Variants in RPL8 observed in about 807,000 individuals in gnomAD.
The protein encoded by RPL8 is ribosomal protein L8.
For missense variants in RPL8, 248 were observed against 365.9 expected, an observed-to-expected ratio of 0.68 and a Z score of 2.63; for synonymous variants, 182 against 143.2, an observed-to-expected ratio of 1.27 and a Z score of -1.94.
chr8:144,790,577 CA>C lies in RPL8; in HGVS notation c.500-108del, dbSNP rs1388443825. The C allele has an allele frequency of 9.2e-6, 8 of 868,848 alleles. No individual in the cohort carries two copies. The Admixed American group carries it at 9.7e-5, about 11-fold the overall frequency. The allele number at this position is 868,848 out of a possible 1,614,324, so 53.8% of individuals were successfully genotyped here. ...CCCAATACTGCATCCAACTACCCAG[CA>C]AAAAGCCCACTCGCCTCCACCCTAG... On this transcript the variant is annotated intron_variant, in intron 3 of 4. Transcript: ENST00000528957.
Position 144,792,361 on chromosome 8 carries a change from C to T in RPL8, c.-232G>A. 1.5e-6 allele frequency: 1 copy of T among 678,090 alleles called. No individual in the cohort carries two copies. The highest frequency in any genetic ancestry group is 2.1e-6 in the Non-Finnish European group (1 of 472,462). The allele number at this position is 678,090 out of a possible 1,614,324, so 42.0% of individuals were successfully genotyped here. A position where few individuals can be genotyped will look rare whatever the true frequency, so the allele number is the denominator to read the frequency against. ...CCATGCCGCAAGGCCGCAAGGATGA[C>T]CTACCTGTTCACCAGCGCGGCCGAA... On this transcript the variant is annotated 5_prime_UTR_variant, in exon 1 of 5. Coordinates refer to ENST00000528957, the MANE Select transcript of RPL8 (RefSeq NM_001317782.2).
chr8:144,792,228 C>G lies in RPL8; in HGVS notation c.-99G>C. On this transcript the variant is annotated 5_prime_UTR_variant, in exon 1 of 5. Coordinates refer to ENST00000528957, the MANE Select transcript of RPL8 (RefSeq NM_001317782.2). ...CGGGACCCCGCCCCCGAGGCCGCCG[C>G]GCCCACCACTCCCTACCCTCTCCGC... 1.4e-6 allele frequency: 2 copies of G among 1,384,954 alleles called. No homozygotes were observed. The highest frequency in any genetic ancestry group is 1.9e-6 in the Non-Finnish European group (2 of 1,074,336). The allele number at this position is 1,384,954 out of a possible 1,614,324, so 85.8% of individuals were successfully genotyped here.
rs1337820621 is a variant in RPL8 at position 144,791,270 on chromosome 8, T to C, written c.499+7A>G. 1 of 1,610,950 alleles carries C rather than the reference T, an allele frequency of 6.2e-7. No individual in the cohort carries two copies. Among genetic ancestry groups the C allele is most frequent in the African/African-American group, 1.3e-5 (1 of 74,848 alleles). On this transcript the variant is annotated splice_region_variant and intron_variant, in intron 3 of 4. Coordinates refer to ENST00000528957, the MANE Select transcript of RPL8 (RefSeq NM_001317782.2). ...CCCTCAGCATTCAACTGCTGCCTGATACTCACCAACCACAGCTCTGTTGGC... is the reference window on the plus strand; with the variant it reads ...CCCTCAGCATTCAACTGCTGCCTGACACTCACCAACCACAGCTCTGTTGGC...
chr8:144,791,229 G>GCACAT (rs1368007178), intron 3 of RPL8, 48 bp downstream of exon 3: 1 of 1,569,670 alleles, frequency 6.4e-7, no homozygotes, highest in Non-Finnish European at 8.7e-7. Flanking sequence ...GGCACTCACA[G>GCACAT]CATGTTCACC....
rs1299865886 is a variant in RPL8 at position 144,791,802 on chromosome 8, G to A, written c.251C>T (p.Thr84Met). 9.9e-6 allele frequency: 16 copies of A among 1,613,762 alleles called. No homozygotes were observed. Among genetic ancestry groups the A allele is most frequent in the Non-Finnish European group, 1.4e-5 (16 of 1,180,020 alleles). Reference protein sequence around the residue: ...ELFIAAEGIHTGQFVYCGKKA... With the variant: ...ELFIAAEGIHMGQFVYCGKKA... Reference sequence around the variant, plus strand: ...CTTGCCGCAATACACAAACTGGCCCGTGTGAATGCCCTCGGCGGCAATGAA... The same window carrying A: ...CTTGCCGCAATACACAAACTGGCCCATGTGAATGCCCTCGGCGGCAATGAA... The change falls in exon 2 of 5, where the codon ACG becomes ATG. Residue 84 changes from threonine (T) to methionine (M), a missense_variant. Transcript: ENST00000528957.
At chr8:144,790,738 G>A (rs2130374420) in intron 3 of RPL8, 1 of 658,850 alleles carries the variant, frequency 1.5e-6, no homozygotes, top group Non-Finnish European at 2.8e-6. Context: ...CTCACCATGT[G>A]TGAGACGTCA....
At chr8:144,790,239 T>C (rs1392128429) in intron 4 of RPL8, 116 bp downstream of exon 4, 10 of 887,178 alleles carry the variant, frequency 1.1e-5, no homozygotes, top group East Asian at 2.5e-5. Context: ...CACCACCTGC[T>C]GCTCCTCCCA....
intron 3 of RPL8, 75 bp downstream of exon 3, chr8:144,791,202 G>T: frequency 6.9e-7 from 1 of 1,441,086 alleles, no homozygotes; most frequent in Non-Finnish European, 9.7e-7. Flanking sequence ...ACCAAGTCTA[G>T]CCACTGGCTG....
Position 144,792,163 on chromosome 8 carries a change from G to T in RPL8, c.-34C>A. On this transcript the variant is annotated 5_prime_UTR_variant, in exon 1 of 5. Coordinates refer to ENST00000528957, the MANE Select transcript of RPL8 (RefSeq NM_001317782.2). ...GTCCTGGGGGCGACTCACGATTAGC[G>T]CGGCCGGGCGGCCCGGGTACCCCCG... The T allele has an allele frequency of 6.9e-7, 1 of 1,455,792 alleles. No homozygotes were observed. The highest frequency in any genetic ancestry group is 9.0e-7 in the Non-Finnish European group (1 of 1,112,758). The allele number at this position is 1,455,792 out of a possible 1,614,324, so 90.2% of individuals were successfully genotyped here.
chr8:144,790,887 GCA>G (rs1826485804), intron 3 of RPL8: 2 of 502,378 alleles, frequency 4.0e-6, no homozygotes, highest in Non-Finnish European at 7.7e-6. Flanking sequence ...TTCCCAAACA[GCA>G]CAGTGAGTTA....
chr8:144,791,095 G>A, intron 3 of RPL8, 182 bp downstream of exon 3: 1 of 622,888 alleles, frequency 1.6e-6, no homozygotes, highest in East Asian at 2.8e-5. Flanking sequence ...AGCAGGTACT[G>A]TTGTGCCTGT....
At chr8:144,790,849 C>G (rs1826483604) in intron 3 of RPL8, 2 of 530,382 alleles carry the variant, frequency 3.8e-6, no homozygotes, top group East Asian at 9.8e-5. Context: ...CTGTGCGAGG[C>G]TGAGTTCATC....
Position 144,792,037 on chromosome 8 carries a change from G to A in RPL8, c.93C>T (p.Ala31=), listed in dbSNP as rs529546508. The A allele has an allele frequency of 1.7e-4, 272 of 1,608,810 alleles. No homozygotes were observed. Among genetic ancestry groups the A allele is most frequent in the South Asian group, 2.9e-4 (26 of 90,792 alleles). Residue 31 remains alanine (A), a synonymous_variant, in exon 1 of 5, where the codon GCC becomes GCT. Coordinates refer to ENST00000528957, the MANE Select transcript of RPL8 (RefSeq NM_001317782.2). ...KHRKGAARLR[A]VDFAERHGYI... ...AGCCGTGCCGCTCAGCGAAATCCAC[G>A]GCGCGCAGGCGCGCAGCGCCTTTAC...
Position 144,791,502 on chromosome 8 carries a change from G to A in RPL8, c.281-7C>T. 3.7e-6 allele frequency: 6 copies of A among 1,612,974 alleles called. No individual in the cohort carries two copies. The Admixed American group carries it at 5.0e-5, about 13-fold the overall frequency. ...TTGCCAATGTTGAGCTGGGCTGCAA[G>A]GGGAAGCAGCATCAGGCCGTCAGCA... On this transcript the variant is annotated splice_region_variant and splice_polypyrimidine_tract_variant and intron_variant, in intron 2 of 4. Coordinates refer to ENST00000528957, the MANE Select transcript of RPL8 (RefSeq NM_001317782.2).
chr8:144,791,988 G>C lies in RPL8; in HGVS notation c.138+4C>G. On this transcript the variant is annotated splice_donor_region_variant and intron_variant, in intron 1 of 4. Transcript: ENST00000528957. ...CCCCTCCCGCCCCGGCCAGCGTTCC[G>C]CACCTTGACGATGCCCTTGATGTAG... 1 of 1,608,508 alleles carries C rather than the reference G, an allele frequency of 6.2e-7. No homozygotes were observed. Among genetic ancestry groups the C allele is most frequent in the Non-Finnish European group, 8.5e-7 (1 of 1,177,440 alleles).
At position 144,791,264 on chromosome 8, in the gene RPL8, G is replaced by A; in HGVS notation, c.499+13C>T. ...CCACAGCCCTCAGCATTCAACTGCTGCCTGATACTCACCAACCACAGCTCT... is the reference window on the plus strand; with the variant it reads ...CCACAGCCCTCAGCATTCAACTGCTACCTGATACTCACCAACCACAGCTCT... On this transcript the variant is annotated intron_variant, in intron 3 of 4. Transcript: ENST00000528957. 6.2e-7 allele frequency: 1 copy of A among 1,610,536 alleles called. No homozygotes were observed. The highest frequency in any genetic ancestry group is 8.5e-7 in the Non-Finnish European group (1 of 1,179,296).
intron 1 of RPL8, 36 bp downstream of exon 1, chr8:144,791,956 G>T: frequency 6.2e-7 from 1 of 1,609,822 alleles, no homozygotes; most frequent in Non-Finnish European, 8.5e-7. Context: ...CCGGCCGGGC[G>T]TCCCTTCCCC....
rs114135717 is a variant in RPL8, at chr8:144,790,113, C to T, written c.616-151G>A. The T allele has an allele frequency of 2.2e-3, 2,257 of 1,039,134 alleles. 39 individuals carry two copies. The African/African-American group carries it at 0.032, about 15-fold the overall frequency. The allele number at this position is 1,039,134 out of a possible 1,614,324, so 64.4% of individuals were successfully genotyped here. On this transcript the variant is annotated intron_variant, in intron 4 of 4. Coordinates refer to ENST00000528957, the MANE Select transcript of RPL8 (RefSeq NM_001317782.2). ...CCCCAGTCAGGCTGACTCTTTCCAG[C>T]TCAGGCCCCCACTGCCCCTCCCAGC...
Position 144,792,065 on chromosome 8 carries a change from T to C in RPL8, c.65A>G (p.His22Arg), listed in dbSNP as rs751289992. 6.2e-7 allele frequency: 1 copy of C among 1,606,840 alleles called. No individual in the cohort carries two copies. The highest frequency in any genetic ancestry group is 1.1e-5 in the South Asian group (1 of 90,762). The change falls in exon 1 of 5, where the codon CAC (histidine) becomes CGC (arginine). Residue 22 changes from histidine (H) to arginine (R), a missense_variant. By Grantham distance (29) the His-to-Arg change is conservative. Coordinates refer to ENST00000528957, the MANE Select transcript of RPL8 (RefSeq NM_001317782.2). ...GCGCAGGCGCGCAGCGCCTTTACGG[T>C]GCTTCACGTGCGCGCGGAACACAGA... is the stretch of plus-strand genomic sequence containing the variant. Reference protein sequence around the residue: ...AGSVFRAHVKHRKGAARLRAV... With the variant: ...AGSVFRAHVKRRKGAARLRAV...
Sources: gnomAD v4.1 joint callset for allele counts on GRCh38, gnomAD v4.1.1 for gene constraint, MANE v1.5 for transcripts, NCBI Gene and HGNC (gene_info 2026-07-23, HGNC 2026-07-21) for gene names.